The following MAP3K5 variants were observed in gnomAD, a reference collection of about 807,000 sequenced individuals.
MAP3K5 encodes ASK-1.
MAP3K5 carries 56 observed loss-of-function variants against 158.7 expected under a neutral mutation model. That is an observed-to-expected ratio of 0.35 (90% CI 0.28 to 0.44). The LOEUF is 0.44. MAP3K5 is among the 20% of genes least tolerant of loss of function. The pLI is 1.00. For synonymous variants in MAP3K5, 579 were observed against 601.7 expected, an observed-to-expected ratio of 0.96 and a Z score of 0.55; for missense variants, 1,294 against 1,674.8, an observed-to-expected ratio of 0.77 and a Z score of 3.97.
chr6:136,680,554 AGAACAT>A (rs1210141272), intron 7 of MAP3K5, among the ~76,000 whole-genome samples: 1 of 152,204 alleles, frequency 6.6e-6, no homozygotes, highest in Non-Finnish European at 1.5e-5. Context: ...ACTGGATCAA[AGAACAT>A]GAATTATTTC....
chr6:136,774,147 C>T (rs1024473742), intron 1 of MAP3K5, among the ~76,000 whole-genome samples: 4 of 152,234 alleles, frequency 2.6e-5, no homozygotes, highest in African/African-American at 9.6e-5. Flanking sequence ...ACCTCCTGTC[C>T]AATGTCTTAG....
At chr6:136,705,394 A>T (rs991009690) in intron 2 of MAP3K5, among the ~76,000 whole-genome samples, 4 of 152,196 alleles carry the variant, frequency 2.6e-5, no homozygotes, top group Admixed American at 2.6e-4. Context: ...TCCTGGGCTC[A>T]AGTGATCCTC....
chr6:136,662,103 CAATT>C (rs1392822048), intron 8 of MAP3K5, among the ~76,000 whole-genome samples: 1 of 152,186 alleles, frequency 6.6e-6, no homozygotes, highest in Non-Finnish European at 1.5e-5. Context: ...TGTATTTGCT[CAATT>C]ATTTCTTTAT....
intron 7 of MAP3K5, among the ~76,000 whole-genome samples, chr6:136,674,579 T>C (rs985014671): frequency 2.0e-5 from 3 of 151,820 alleles, no homozygotes; most frequent in Non-Finnish European, 4.4e-5. Flanking sequence ...ATAAGACAAA[T>C]AGTCAATATT....
intron 12 of MAP3K5, among the ~76,000 whole-genome samples, chr6:136,640,764 C>G (rs1275615115): frequency 6.6e-6 from 1 of 152,196 alleles, no homozygotes; most frequent in African/African-American, 2.4e-5. Flanking sequence ...CCCACTAACT[C>G]GAGCTGTGCA....
At chr6:136,791,541 C>G (rs1194865795) in intron 1 of MAP3K5, among the ~76,000 whole-genome samples, 169 bp downstream of exon 1, 1 of 152,232 alleles carries the variant, frequency 6.6e-6, no homozygotes, top group African/African-American at 2.4e-5. Context: ...AGCACACACG[C>G]TCTCTCCGGA....
Position 136,567,805 on chromosome 6 carries a change from T to C in MAP3K5, c.3587A>G (p.Asp1196Gly), listed in dbSNP as rs771626007. 6 of 1,613,980 alleles carry C rather than the reference T, an allele frequency of 3.7e-6. No homozygotes were observed. The East Asian group carries it at 6.7e-5, about 18-fold the overall frequency. Residue 1196 changes from aspartate to glycine, a missense_variant, in exon 26 of 30, where the codon GAT becomes GGT. Asp to Gly is a moderately conservative substitution (Grantham distance 94, BLOSUM62 -1). Around this residue, in one of 5 missense-constraint regions of MAP3K5, gnomAD observed 199 missense variants for 220.3 expected, o/e 0.90. Coordinates refer to ENST00000359015, the MANE Select transcript of MAP3K5 (RefSeq NM_005923.4). ...TADQEDLDVE[D>G]DHEEQPSNQT... ...ATTTGAAGGCTGTTCCTCATGGTCA[T>C]CTTCTACATCCAAGTCTTCTTGATC...
At chr6:136,678,866 C>T (rs1779815571) in intron 7 of MAP3K5, among the ~76,000 whole-genome samples, 1 of 152,116 alleles carries the variant, frequency 6.6e-6, no homozygotes, top group African/African-American at 2.4e-5. Flanking sequence ...GCTGGGACTA[C>T]AGCCATGTGC....
chr6:136,592,039 T>C (rs930296730), intron 23 of MAP3K5, 134 bp downstream of exon 23: 2 of 653,992 alleles, frequency 3.1e-6, no homozygotes, highest in Non-Finnish European at 4.9e-6. Flanking sequence ...TCTTTTTTCC[T>C]GTGGGGTAGG....
At chr6:136,726,190 G>A (rs1383084185) in intron 1 of MAP3K5, among the ~76,000 whole-genome samples, 1 of 152,178 alleles carries the variant, frequency 6.6e-6, no homozygotes, top group African/African-American at 2.4e-5. Flanking sequence ...GAATCAGCTG[G>A]CTGTTGATAT....
rs558886846 is a variant in MAP3K5 at position 136,578,864 on chromosome 6, T to C, written c.3517+1437A>G. 5.3e-5 allele frequency among the ~76,000 whole-genome samples: 8 copies of C among 152,132 alleles called. No individual in the cohort carries two copies. In the East Asian group the frequency reaches 1.4e-3, roughly 26 times the overall value. On this transcript the variant is annotated intron_variant, in intron 25 of 29. Coordinates refer to ENST00000359015, the MANE Select transcript of MAP3K5 (RefSeq NM_005923.4). ...AAAAGTTTGTAGTACCATTTATAAA[T>C]AATTTTAATTTAAAAATATTTCAGG...
chr6:136,687,868 C>T (rs1484753939), intron 7 of MAP3K5, among the ~76,000 whole-genome samples: 1 of 152,178 alleles, frequency 6.6e-6, no homozygotes, highest in Non-Finnish European at 1.5e-5. Context: ...GTGGCGATTC[C>T]TCAAGGATCT....
At chr6:136,630,602 G>A (rs1477062812) in intron 14 of MAP3K5, among the ~76,000 whole-genome samples, 1 of 152,190 alleles carries the variant, frequency 6.6e-6, no homozygotes, top group Non-Finnish European at 1.5e-5. Flanking sequence ...CTCTCCAGGA[G>A]GTTAATGACC....
chr6:136,746,093 G>C (rs1193526149), intron 1 of MAP3K5, among the ~76,000 whole-genome samples: 1 of 152,190 alleles, frequency 6.6e-6, no homozygotes, highest in African/African-American at 2.4e-5. Flanking sequence ...GATGGTGGCA[G>C]TTTTGGAAGA....
At position 136,583,742 on chromosome 6, in the gene MAP3K5, T is replaced by C. The variant is rs1249944392; in HGVS notation, c.3226-2A>G. 1.2e-6 allele frequency: 2 copies of C among 1,613,184 alleles called. No homozygotes were observed. The highest frequency in any genetic ancestry group is 1.7e-6 in the Non-Finnish European group (2 of 1,179,440). On this transcript the variant is annotated splice_acceptor_variant, in intron 23 of 29. Transcript: ENST00000359015. LOFTEE classifies it high-confidence loss of function. ...TTTTAGTTTCGGTTCTTCAGCCCCCTGTGAATAAAAATCAACAATCCTTAC... is the reference window on the plus strand; with the variant it reads ...TTTTAGTTTCGGTTCTTCAGCCCCCCGTGAATAAAAATCAACAATCCTTAC...
At chr6:136,774,389 C>A (rs371118441) in intron 1 of MAP3K5, among the ~76,000 whole-genome samples, 17 of 152,218 alleles carry the variant, frequency 1.1e-4, no homozygotes, top group African/African-American at 4.1e-4. Flanking sequence ...AAGGAGGTTA[C>A]GGCTGCAGTG....
chr6:136,705,218 T>G, intron 2 of MAP3K5, 85 bp from the exon 3 acceptor site: 1 of 648,480 alleles, frequency 1.5e-6, no homozygotes, highest in South Asian at 2.0e-5. Context: ...TGGGAAAATT[T>G]GTATTAACAA....
chr6:136,655,137 T>C (rs1279051184), intron 10 of MAP3K5, among the ~76,000 whole-genome samples: 1 of 152,240 alleles, frequency 6.6e-6, no homozygotes, highest in Non-Finnish European at 1.5e-5. Flanking sequence ...GATACTAATC[T>C]AAACGGGCTC....
At chr6:136,746,591 C>A (rs1782968489) in intron 1 of MAP3K5, among the ~76,000 whole-genome samples, 1 of 152,098 alleles carries the variant, frequency 6.6e-6, no homozygotes, top group Non-Finnish European at 1.5e-5. Flanking sequence ...GAAAACCATG[C>A]AGGGTTCTAA....
Sources: allele counts gnomAD v4.1 joint callset (sites outside exome capture counted in the v4.1 genomes callset), GRCh38; gene constraint gnomAD v4.1.1; regional missense constraint gnomAD v4.1.1; transcripts MANE v1.5; gene names NCBI Gene and HGNC (gene_info 2026-07-23, HGNC 2026-07-21).